The following TINAG variants were observed in gnomAD, a reference collection of about 807,000 sequenced individuals.
TINAG encodes tubulointerstitial nephritis antigen.
A neutral mutation model predicts 72.7 loss-of-function variants in TINAG; 83 were observed. That is an observed-to-expected ratio of 1.14 (90% CI 0.96 to 1.37). The LOEUF (loss-of-function observed/expected upper bound fraction) is 1.37. TINAG is among the 40% of genes most tolerant of loss of function. The probability of loss-of-function intolerance (pLI) is 0.00; values close to 1 mark genes in which losing one functional copy is unlikely to be tolerated. For synonymous variants in TINAG, 234 were observed against 189.9 expected (o/e 1.23, Z -1.91); for missense variants, 685 against 576.6 (o/e 1.19, Z -1.93).
intron 10 of TINAG, among the ~76,000 whole-genome samples, chr6:54,388,890 A>G (rs530719459): frequency 3.9e-5 from 6 of 152,118 alleles, no homozygotes; most frequent in African/African-American, 7.2e-5. Flanking sequence ...CTCTTATCCA[A>G]TTGAATTATT....
At chr6:54,353,214 C>T (rs1785306410) in intron 8 of TINAG, among the ~76,000 whole-genome samples, 1 of 151,766 alleles carries the variant, frequency 6.6e-6, no homozygotes. Flanking sequence ...ATAATGAATA[C>T]ATTTTATTTA....
intron 9 of TINAG, among the ~76,000 whole-genome samples, chr6:54,367,392 G>A (rs887669346): frequency 1.3e-5 from 2 of 151,772 alleles, no homozygotes; most frequent in African/African-American, 2.4e-5. Context: ...GCAAAGATGA[G>A]CTCCGGGAAA....
intron 4 of TINAG, among the ~76,000 whole-genome samples, chr6:54,328,916 A>G (rs887242180): frequency 2.6e-5 from 4 of 151,986 alleles, no homozygotes; most frequent in Admixed American, 6.6e-5. Flanking sequence ...TGAAGGCAAG[A>G]TTAAAGAAAA....
At chr6:54,347,586 T>A in intron 6 of TINAG, 69 bp downstream of exon 6, 1 of 1,524,388 alleles carries the variant, frequency 6.6e-7, no homozygotes, top group Non-Finnish European at 8.9e-7. Flanking sequence ...ACAAGGAAAA[T>A]AATCCCAAGA....
intron 10 of TINAG, among the ~76,000 whole-genome samples, chr6:54,381,000 T>A (rs1002757682): frequency 1.3e-5 from 2 of 148,296 alleles, no homozygotes; most frequent in Non-Finnish European, 3.0e-5. Context: ...TATATTTATA[T>A]GGCATATATA....
chr6:54,342,888 C>T (rs1462545746), intron 4 of TINAG, among the ~76,000 whole-genome samples: 1 of 152,108 alleles, frequency 6.6e-6, no homozygotes, highest in African/African-American at 2.4e-5. Flanking sequence ...TTTATGAGGA[C>T]AAATTTGAAT....
At chr6:54,337,490 G>T (rs185703094) in intron 4 of TINAG, among the ~76,000 whole-genome samples, 39 of 152,118 alleles carry the variant, frequency 2.6e-4, no homozygotes, top group Admixed American at 2.6e-3. Flanking sequence ...CTGCCCTCAG[G>T]TGATCCGCCC....
intron 5 of TINAG, among the ~76,000 whole-genome samples, chr6:54,343,743 T>A (rs1785057926): frequency 6.7e-6 from 1 of 149,518 alleles, no homozygotes; most frequent in African/African-American, 2.5e-5. Context: ...CTTTATATGA[T>A]TTGCAAAAAC....
intron 9 of TINAG, among the ~76,000 whole-genome samples, chr6:54,357,382 C>G (rs1474203574): frequency 6.6e-6 from 1 of 151,900 alleles, no homozygotes; most frequent in Non-Finnish European, 1.5e-5. Flanking sequence ...GAATTTATAT[C>G]TCAGCTCAGA....
In TINAG at chr6:54,336,601, T is replaced by C. The variant is rs184429636; in HGVS notation, c.625-6625T>C. 1.4e-4 allele frequency among the ~76,000 whole-genome samples: 22 copies of C among 152,290 alleles called. No individual in the cohort carries two copies. The East Asian group carries it at 4.1e-3, about 28-fold the overall frequency. ...TATTAAAAATATTTTGAAAAAATAC[T>C]ATTTTCACATAGAAATGTGAAAATT... On this transcript the variant is annotated intron_variant, in intron 4 of 10. Transcript: ENST00000259782.
intron 9 of TINAG, among the ~76,000 whole-genome samples, chr6:54,363,989 G>A (rs1431158057): frequency 1.3e-5 from 2 of 151,524 alleles, no homozygotes; most frequent in Admixed American, 1.3e-4. Context: ...TAGAGTAGTG[G>A]TAAGTTTAGA....
chr6:54,369,213 TG>T (rs750288624), intron 9 of TINAG, among the ~76,000 whole-genome samples: 6 of 152,020 alleles, frequency 3.9e-5, no homozygotes, highest in Admixed American at 1.3e-4. Flanking sequence ...CATCTCCATA[TG>T]CAGTAATTCT....
intron 10 of TINAG, among the ~76,000 whole-genome samples, chr6:54,382,315 G>A (rs1398085771): frequency 6.6e-6 from 1 of 152,028 alleles, no homozygotes; most frequent in Non-Finnish European, 1.5e-5. Flanking sequence ...CTCCTCATGA[G>A]TCAGGATCAT....
intron 7 of TINAG, among the ~76,000 whole-genome samples, chr6:54,350,203 A>G (rs933385276): frequency 7.7e-6 from 1 of 130,530 alleles, no homozygotes; most frequent in African/African-American, 2.5e-5. Context: ...GTTAAGTTAA[A>G]CACTTTTTCA....
Position 54,314,159 on chromosome 6 carries a change from A to G in TINAG, c.355+5254A>G, listed in dbSNP as rs150726718. On this transcript the variant is annotated intron_variant, in intron 1 of 10. Coordinates refer to ENST00000259782, the MANE Select transcript of TINAG (RefSeq NM_014464.4). ...AATGTTTATTTGATAAAAACTATGTACCATATAAGAACATGTCAGATTGGT... is the reference window on the plus strand; with the variant it reads ...AATGTTTATTTGATAAAAACTATGTGCCATATAAGAACATGTCAGATTGGT... Among the ~76,000 whole-genome samples, 79 of 152,320 alleles carry G rather than the reference A, an allele frequency of 5.2e-4. 2 individuals carry two copies. In the South Asian group the frequency reaches 0.014, roughly 27 times the overall value.
chr6:54,387,272 G>T (rs145059326), intron 10 of TINAG, among the ~76,000 whole-genome samples: 122 of 152,228 alleles, frequency 8.0e-4, no homozygotes, highest in Middle Eastern at 6.8e-3. Context: ...CATAGATGAG[G>T]ATTTGGAGTA....
intron 9 of TINAG, among the ~76,000 whole-genome samples, chr6:54,363,031 C>T (rs113804709): frequency 2.6e-5 from 4 of 151,600 alleles, no homozygotes; most frequent in Non-Finnish European, 4.4e-5. Flanking sequence ...ATCTGAGAAA[C>T]GTCGCTGAGG....
chr6:54,373,008 C>T (rs539950407), intron 9 of TINAG, among the ~76,000 whole-genome samples: 14 of 152,032 alleles, frequency 9.2e-5, no homozygotes, highest in African/African-American at 3.4e-4. Context: ...CTAGCTGTGG[C>T]ATTAAGTGAC....
chr6:54,359,039 A>T (rs1456701347), intron 9 of TINAG, among the ~76,000 whole-genome samples: 2 of 151,834 alleles, frequency 1.3e-5, no homozygotes, highest in African/African-American at 4.8e-5. Context: ...TCGGTACAGA[A>T]CAAAAGGTTT....
Sources: allele counts gnomAD v4.1 joint callset (sites outside exome capture counted in the v4.1 genomes callset), GRCh38; gene constraint gnomAD v4.1.1; transcripts MANE v1.5; gene names NCBI Gene and HGNC (gene_info 2026-07-23, HGNC 2026-07-21).